Variants in KIF23 observed in about 807,000 individuals in gnomAD.
KIF23 encodes the protein kinesin-like protein KIF23.
Under a neutral mutation model 137.5 loss-of-function variants are expected in KIF23, and 30 were observed. That is an observed-to-expected ratio of 0.22 (90% confidence interval 0.16 to 0.30). The LOEUF is 0.30. Ranked by LOEUF, KIF23 falls within the 10% of genes least tolerant of loss-of-function variation. The probability of loss-of-function intolerance (pLI) is 1.00; values close to 1 mark genes in which losing one functional copy is unlikely to be tolerated. For missense variants in KIF23, 920 were observed against 1,194.3 expected (o/e 0.77, Z 3.38); for synonymous variants, 367 against 391.1 (o/e 0.94, Z 0.73).
intron 22 of KIF23, 145 bp from the exon 23 acceptor site, chr15:69,446,726 G>A: frequency 1.3e-6 from 1 of 760,320 alleles, no homozygotes; most frequent in Non-Finnish European, 2.3e-6. Flanking sequence ...AATAAATTAC[G>A]AGTGACTGGT....
Position 69,417,439 on chromosome 15 carries a change from G to A in KIF23, c.138G>A (p.Val46=). 1.2e-6 allele frequency: 2 copies of A among 1,613,824 alleles called. No homozygotes were observed. Among genetic ancestry groups the A allele is most frequent in the Non-Finnish European group, 1.7e-6 (2 of 1,179,846 alleles). The change falls in exon 3 of 24, where the codon GTG becomes GTA. Residue 46 remains valine (V), a synonymous_variant. Coordinates refer to ENST00000679126, the MANE Select transcript of KIF23 (RefSeq NM_001367805.3). ...CTGATCAAGAGTGTTGCATAGAAGT[G>A]ATCAATAATACAACTGTTCAGCTTC... The part of the protein sequence containing the change: ...GFPDQECCIE[V]INNTTVQLHT...
At chr15:69,447,743 T>A in intron 23 of KIF23, 49 bp from the exon 24 acceptor site, 1 of 1,575,406 alleles carries the variant, frequency 6.3e-7, no homozygotes, top group Non-Finnish European at 8.7e-7. Context: ...GCTATGAATG[T>A]GTTACTAATT....
In KIF23 at chr15:69,446,282, G is replaced by A. The variant is rs1317594225; in HGVS notation, c.2757-1G>A. 2 of 1,613,386 alleles carry A rather than the reference G, an allele frequency of 1.2e-6. No homozygotes were observed. The highest frequency in any genetic ancestry group is 3.3e-5 in the Admixed American group (2 of 59,986). On this transcript the variant is annotated splice_acceptor_variant, in intron 21 of 23. Coordinates refer to ENST00000679126, the MANE Select transcript of KIF23 (RefSeq NM_001367805.3). LOFTEE classifies it high-confidence loss of function. ...GTTGCATCATGTTTCCCCTTTTTCA[G>A]TAGTCGAAAACGAAGATCTTCCACA... is the stretch of plus-strand genomic sequence containing the variant.
chr15:69,439,479 A>T (rs1168097954), intron 16 of KIF23, among the ~76,000 whole-genome samples: 3 of 152,230 alleles, frequency 2.0e-5, no homozygotes, highest in Admixed American at 6.5e-5. Context: ...ATGGGGTAGA[A>T]GGAAATACCG....
rs993618617 is a variant in KIF23, at chr15:69,435,842, A to G, written c.1314+71A>G. The G allele has an allele frequency of 7.7e-6, 12 of 1,550,854 alleles. 1 individual carries two copies. The highest frequency in any genetic ancestry group is 2.2e-5 in the East Asian group (1 of 44,556). ...GAAAACAGTTACTTGGATGAGCAGAATGACATTTTGAATATTTTAAAAATG... is the reference window on the plus strand; with the variant it reads ...GAAAACAGTTACTTGGATGAGCAGAGTGACATTTTGAATATTTTAAAAATG... On this transcript the variant is annotated intron_variant, in intron 13 of 23. Transcript: ENST00000679126.
At chr15:69,422,539 C>G (rs746365448) in intron 6 of KIF23, 104 bp downstream of exon 6, 4 of 685,098 alleles carry the variant, frequency 5.8e-6, no homozygotes, top group Non-Finnish European at 1.0e-5. Flanking sequence ...GAGAAGTTGA[C>G]TTTTGTGAGA....
chr15:69,441,364 T>C lies in KIF23; in HGVS notation c.2421+285T>C, dbSNP rs141428806. Among the ~76,000 whole-genome samples, 584 of 152,338 alleles carry C rather than the reference T, an allele frequency of 3.8e-3. 5 individuals are homozygous for C. Among genetic ancestry groups the C allele is most frequent in the African/African-American group, 0.013 (522 of 41,568 alleles). ...TTCAGCTGCATACGCTAATAAGCTT[T>C]GCACAGAATTGGTGAATGTGTCTTA... On this transcript the variant is annotated intron_variant, in intron 19 of 23. Coordinates refer to ENST00000679126, the MANE Select transcript of KIF23 (RefSeq NM_001367805.3).
chr15:69,436,040 T>G, intron 13 of KIF23, 98 bp from the exon 14 acceptor site: 1 of 1,482,120 alleles, frequency 6.7e-7, no homozygotes, highest in Non-Finnish European at 9.1e-7. Context: ...ACAGACTGTC[T>G]CAAATAAATA....
chr15:69,434,831 A>G (rs1390863508), intron 11 of KIF23: 1 of 920,030 alleles, frequency 1.1e-6, no homozygotes, highest in African/African-American at 1.6e-5. Flanking sequence ...CCCTGGCAGT[A>G]ATGTCCAGGC....
Position 69,444,615 on chromosome 15 carries a change from G to T in KIF23, c.2422-175G>T. On this transcript the variant is annotated intron_variant, in intron 19 of 23. Transcript: ENST00000679126. The surrounding 1 kb of genome is among the most constrained non-coding windows in gnomAD (Gnocchi z 4.2). The stretch of plus-strand genomic sequence containing the variant: ...TAGAATGTGTAACATACAAGTTGGT[G>T]TTAAAGATGTTTGTTGGTTTTGTGT... The T allele has an allele frequency of 9.5e-6, 6 of 632,402 alleles. No individual in the cohort carries two copies. The highest frequency in any genetic ancestry group is 1.6e-5 in the Non-Finnish European group (6 of 376,964). 39.2% of individuals were successfully genotyped at this position (632,402 alleles called of 1,614,324 possible). A position where few individuals can be genotyped will look rare whatever the true frequency, so the allele number is the denominator to read the frequency against.
At chr15:69,440,718 TTCTC>T (rs1210786509) in intron 18 of KIF23, 46 bp from the exon 19 acceptor site, 2 of 1,443,724 alleles carry the variant, frequency 1.4e-6, no homozygotes, top group South Asian at 1.3e-5. Flanking sequence ...AATGAATTGT[TTCTC>T]TCAGTTTTTC....
At chr15:69,420,350 C>T (rs965005944) in intron 3 of KIF23, among the ~76,000 whole-genome samples, 2 of 152,028 alleles carry the variant, frequency 1.3e-5, no homozygotes, top group African/African-American at 4.8e-5. Flanking sequence ...GTTTCACCTT[C>T]GGGCCTCAGT....
chr15:69,447,924 G>A lies in KIF23; in HGVS notation c.*117G>A, dbSNP rs1425399112. ...GAACTCCAGCTTTGTTGAAAATCAC[G>A]GACCTCAGCTACATCATACACTGAC... On this transcript the variant is annotated 3_prime_UTR_variant, in exon 24 of 24. Transcript: ENST00000679126. 5 of 1,043,712 alleles carry A rather than the reference G, an allele frequency of 4.8e-6. No individual in the cohort carries two copies. The highest frequency in any genetic ancestry group is 3.1e-5 in the African/African-American group (2 of 63,894). 64.7% of individuals were successfully genotyped at this position (1,043,712 alleles called of 1,614,324 possible).
Position 69,426,065 on chromosome 15 carries a change from C to G in KIF23, c.777-5C>G. 2 of 1,552,904 alleles carry G rather than the reference C, an allele frequency of 1.3e-6. No homozygotes were observed. The highest frequency in any genetic ancestry group is 1.7e-6 in the Non-Finnish European group (2 of 1,156,902). The stretch of plus-strand genomic sequence containing the variant: ...GGAGACTAATCTTTTTTTTCTTTCC[C>G]ATAGACCTCCACAATCTAAATTGCT... On this transcript the variant is annotated splice_region_variant and splice_polypyrimidine_tract_variant and intron_variant, in intron 8 of 23. Transcript: ENST00000679126.
chr15:69,426,018 G>A, intron 8 of KIF23, 52 bp from the exon 9 acceptor site: 1 of 1,057,754 alleles, frequency 9.5e-7, no homozygotes, highest in Non-Finnish European at 1.3e-6. Context: ...CTTAAATGAA[G>A]ATACCAGCAT....
intron 3 of KIF23, among the ~76,000 whole-genome samples, chr15:69,420,225 C>T (rs1398636090): frequency 6.6e-6 from 1 of 151,988 alleles, no homozygotes; most frequent in Non-Finnish European, 1.5e-5. Context: ...GATCCTACCA[C>T]TGCACTCCAG....
In KIF23 at chr15:69,426,406, C is replaced by T. The variant is rs771319897; in HGVS notation, c.960C>T (p.Asn320=). ...CCAGCCGTTCCCATAGCGTGTTCAACATTAAATTAGTTCAGGCTCCCTTGG... is the reference window on the plus strand; with the variant it reads ...CCAGCCGTTCCCATAGCGTGTTCAATATTAAATTAGTTCAGGCTCCCTTGG... ...RESSRSHSVF[N]IKLVQAPLDA... is the part of the protein sequence containing the mutation. The change falls in exon 10 of 24, where the codon AAC becomes AAT. Residue 320 remains asparagine, a synonymous_variant. Coordinates refer to ENST00000679126, the MANE Select transcript of KIF23 (RefSeq NM_001367805.3). 1 of 1,614,058 alleles carries T rather than the reference C, an allele frequency of 6.2e-7. No homozygotes were observed. The highest frequency in any genetic ancestry group is 8.5e-7 in the Non-Finnish European group (1 of 1,179,900).
intron 15 of KIF23, among the ~76,000 whole-genome samples, chr15:69,436,947 G>C (rs998227141): frequency 6.6e-6 from 1 of 152,086 alleles, no homozygotes; most frequent in East Asian, 1.9e-4. Flanking sequence ...TAGAGACGGG[G>C]TTTCGCCATG....
At chr15:69,438,742 A>C (rs1055849303) in intron 16 of KIF23, among the ~76,000 whole-genome samples, 1 of 152,062 alleles carries the variant, frequency 6.6e-6, no homozygotes, top group Non-Finnish European at 1.5e-5. Context: ...TGGAGGTTGC[A>C]GTGAGCCGAG....
Sources: allele counts gnomAD v4.1 joint callset (sites outside exome capture counted in the v4.1 genomes callset), GRCh38; gene constraint gnomAD v4.1.1; non-coding constraint Gnocchi (gnomAD v3.1); transcripts MANE v1.5; gene names NCBI Gene and HGNC (gene_info 2026-07-23, HGNC 2026-07-21).